The following TMEM117 variants were observed in gnomAD, a reference collection of about 807,000 sequenced individuals.
TMEM117 encodes the protein transmembrane protein 117.
A neutral mutation model predicts 52.4 loss-of-function variants in TMEM117; 27 were observed. The observed-to-expected ratio is 0.51, with a 90% CI of 0.38 to 0.71. The LOEUF (loss-of-function observed/expected upper bound fraction) is 0.71, where lower values mean the gene tolerates loss of function less well. TMEM117 is among the 30% of genes least tolerant of loss of function. TMEM117 has a pLI of 0.00. For missense variants in TMEM117, 556 were observed against 630.5 expected (o/e 0.88, Z 1.26); for synonymous variants, 215 against 206.3 (o/e 1.04, Z -0.36).
chr12:44,224,893 C>G (rs957055602), intron 5 of TMEM117, among the ~76,000 whole-genome samples: 1 of 152,136 alleles, frequency 6.6e-6, no homozygotes, highest in Non-Finnish European at 1.5e-5. Context: ...CTCTTCCCAA[C>G]CTCCCCAAAG....
At chr12:43,883,138 G>A (rs1435485658) in intron 2 of TMEM117, among the ~76,000 whole-genome samples, 1 of 152,196 alleles carries the variant, frequency 6.6e-6, no homozygotes, top group Non-Finnish European at 1.5e-5. Context: ...TAAAACTTGA[G>A]GATGTTTAGG....
intron 3 of TMEM117, among the ~76,000 whole-genome samples, chr12:43,947,021 A>G (rs1945144756): frequency 6.6e-6 from 1 of 152,174 alleles, no homozygotes; most frequent in African/African-American, 2.4e-5. Context: ...CAAGGGACAA[A>G]TGGTTTAGTT....
At chr12:44,387,875 T>C (rs1244210060) in intron 7 of TMEM117, 151 bp from the exon 8 acceptor site, 2 of 754,264 alleles carry the variant, frequency 2.7e-6, no homozygotes, top group Non-Finnish European at 4.1e-6. Flanking sequence ...ATTCACTTAA[T>C]GGCAGCACAG....
chr12:43,915,119 TGTTA>T (rs1565748984), intron 2 of TMEM117, among the ~76,000 whole-genome samples: 1 of 152,060 alleles, frequency 6.6e-6, no homozygotes, highest in African/African-American at 2.4e-5. Context: ...CAGTATTGAG[TGTTA>T]GTTCTTTCCA....
intron 6 of TMEM117, among the ~76,000 whole-genome samples, chr12:44,320,739 ACTT>A (rs1951119261): frequency 6.6e-6 from 1 of 152,132 alleles, no homozygotes; most frequent in Non-Finnish European, 1.5e-5. Flanking sequence ...TCTCAAATAA[ACTT>A]TAGTGCTTCT....
At chr12:44,100,341 T>C (rs1565827388) in intron 3 of TMEM117, among the ~76,000 whole-genome samples, 1 of 152,044 alleles carries the variant, frequency 6.6e-6, no homozygotes, top group Non-Finnish European at 1.5e-5. Context: ...GGTCATTTTT[T>C]TATGGGCAGT....
intron 3 of TMEM117, among the ~76,000 whole-genome samples, chr12:44,058,541 C>G (rs1947092074): frequency 6.6e-6 from 1 of 152,170 alleles, no homozygotes; most frequent in South Asian, 2.1e-4. Context: ...GGCACTGTTT[C>G]AAGCAGTTAA....
At chr12:44,131,386 G>T (rs559305278) in intron 3 of TMEM117, among the ~76,000 whole-genome samples, 2 of 152,128 alleles carry the variant, frequency 1.3e-5, no homozygotes, top group Admixed American at 6.5e-5. Flanking sequence ...ATTTTTTTGA[G>T]ACTTGTTTAT....
chr12:43,798,799 G>A, the TMEM117 span, among the ~76,000 whole-genome samples: 2 of 152,052 alleles, frequency 1.3e-5, no homozygotes, highest in African/African-American at 4.8e-5. Context: ...AGTGGTTTCA[G>A]CCACTTGTTC....
intron 3 of TMEM117, chr12:44,009,084 C>G (rs376640153): frequency 1.3e-4 from 48 of 358,958 alleles, no homozygotes; most frequent in East Asian, 8.4e-4. Flanking sequence ...GTGGTGTTTC[C>G]CATGAAGACA....
At chr12:44,371,369 AAAG>A (rs1248767973) in intron 6 of TMEM117, among the ~76,000 whole-genome samples, 3 of 152,224 alleles carry the variant, frequency 2.0e-5, no homozygotes, top group Non-Finnish European at 2.9e-5. Context: ...ATGCCTATAA[AAAG>A]AAGATATACA....
intron 3 of TMEM117, among the ~76,000 whole-genome samples, chr12:44,069,636 G>A (rs1289050195): frequency 6.6e-6 from 1 of 152,172 alleles, no homozygotes; most frequent in East Asian, 1.9e-4. Context: ...CCCTGTGTGA[G>A]GTGGGAAACC....
chr12:44,343,511 A>G (rs907051139), intron 6 of TMEM117, among the ~76,000 whole-genome samples: 3 of 152,154 alleles, frequency 2.0e-5, no homozygotes, highest in African/African-American at 7.2e-5. Context: ...TACCTAGAGT[A>G]GTCGAATTTA....
At chr12:43,805,373 C>A in the TMEM117 span, among the ~76,000 whole-genome samples, 3 of 152,012 alleles carry the variant, frequency 2.0e-5, no homozygotes, top group Non-Finnish European at 2.9e-5. Flanking sequence ...GCGGTGGTGT[C>A]AAAAATCTTT....
At chr12:43,855,833 A>G (rs1250701851) in intron 2 of TMEM117, among the ~76,000 whole-genome samples, 1 of 152,212 alleles carries the variant, frequency 6.6e-6, no homozygotes, top group Non-Finnish European at 1.5e-5. Flanking sequence ...GGTATGTTGA[A>G]CTGCACATAT....
At chr12:43,988,017 A>G (rs1265888161) in intron 3 of TMEM117, among the ~76,000 whole-genome samples, 2 of 152,112 alleles carry the variant, frequency 1.3e-5, no homozygotes, top group African/African-American at 4.8e-5. Flanking sequence ...ATCATATTCT[A>G]ATTTTGTATC....
At position 43,859,091 on chromosome 12, in the gene TMEM117, C is replaced by A. The variant is rs997927376; in HGVS notation, c.277+14163C>A. On this transcript the variant is annotated intron_variant, in intron 2 of 7. Transcript: ENST00000266534. ...GGAATTGGTGAGAGCTTTCTTGTTACATTTTCAGCCAATCTCTGAGCACCT... is the reference window on the plus strand; with the variant it reads ...GGAATTGGTGAGAGCTTTCTTGTTAAATTTTCAGCCAATCTCTGAGCACCT... 2.0e-5 allele frequency among the ~76,000 whole-genome samples: 3 copies of A among 152,166 alleles called. No homozygotes were observed. In the East Asian group the frequency reaches 5.8e-4, roughly 29 times the overall value.
chr12:44,124,318 T>A (rs1423777964), intron 3 of TMEM117, among the ~76,000 whole-genome samples: 1 of 152,214 alleles, frequency 6.6e-6, no homozygotes, highest in Non-Finnish European at 1.5e-5. Context: ...ATGATGGGGT[T>A]TTCTAGATAT....
chr12:43,978,380 G>A (rs1592409878), intron 3 of TMEM117, among the ~76,000 whole-genome samples: 1 of 152,178 alleles, frequency 6.6e-6, no homozygotes, highest in South Asian at 2.1e-4. Context: ...AGTAAGCAGA[G>A]TCATTAATAA....
Sources: allele counts gnomAD v4.1 joint callset (sites outside exome capture counted in the v4.1 genomes callset), GRCh38; gene constraint gnomAD v4.1.1; transcripts MANE v1.5; gene names NCBI Gene and HGNC (gene_info 2026-07-23, HGNC 2026-07-21).